Variants in CDK14 observed in about 807,000 individuals in gnomAD.
CDK14 encodes the protein cyclin-dependent kinase 14.
A neutral mutation model predicts 60.7 loss-of-function variants in CDK14; 34 were observed. That is an observed-to-expected ratio of 0.56 (90% CI 0.43 to 0.75). CDK14 has a LOEUF of 0.75. CDK14 is among the 30% of genes least tolerant of loss of function. CDK14 has a pLI of 0.00. For missense variants in CDK14, 482 were observed against 564.1 expected (o/e 0.85, Z 1.47); for synonymous variants, 197 against 203.7 (o/e 0.97, Z 0.28).
intron 4 of CDK14, among the ~76,000 whole-genome samples, chr7:90,774,627 T>C (rs1230372252): frequency 6.6e-6 from 1 of 152,256 alleles, no homozygotes; most frequent in Non-Finnish European, 1.5e-5. Flanking sequence ...CTCATAATCC[T>C]CTTGTCTTAA....
chr7:90,810,584 C>T (rs905107975), intron 5 of CDK14, among the ~76,000 whole-genome samples: 12 of 152,156 alleles, frequency 7.9e-5, no homozygotes, highest in Non-Finnish European at 1.6e-4. Context: ...CCCTCTCTCA[C>T]CACTCCTATT....
intron 3 of CDK14, among the ~76,000 whole-genome samples, chr7:90,745,709 C>G (rs972328542): frequency 1.2e-4 from 19 of 152,202 alleles, no homozygotes; most frequent in Non-Finnish European, 2.2e-4. Flanking sequence ...CCACCGTGCT[C>G]AGCCTATTTA....
intron 5 of CDK14, among the ~76,000 whole-genome samples, chr7:90,796,144 G>A (rs191863586): frequency 3.0e-4 from 46 of 152,220 alleles, no homozygotes; most frequent in Admixed American, 2.3e-3. Flanking sequence ...CCTCAGTTGC[G>A]GTTGTGTTGT....
chr7:90,745,077 C>T (rs1444874534), intron 3 of CDK14, among the ~76,000 whole-genome samples: 1 of 151,884 alleles, frequency 6.6e-6, no homozygotes, highest in Non-Finnish European at 1.5e-5. Flanking sequence ...TACTGATTAC[C>T]TTTTAAAGGT....
intron 8 of CDK14, among the ~76,000 whole-genome samples, chr7:90,941,204 G>A (rs759276475): frequency 3.3e-5 from 5 of 152,200 alleles, no homozygotes; most frequent in Non-Finnish European, 4.4e-5. Flanking sequence ...TATGGGAAGT[G>A]GCAGAGAAGG....
At chr7:90,700,343 T>C (rs4727239) in intron 2 of CDK14, among the ~76,000 whole-genome samples, 138,870 of 152,166 alleles carry the variant, frequency 0.91, 63,486 homozygotes, top group East Asian at 1. Flanking sequence ...CCGGCCACCT[T>C]GGCCTCCCAA....
At chr7:91,112,512 C>G in intron 12 of CDK14, 30 bp from the exon 13 acceptor site, 1 of 1,601,284 alleles carries the variant, frequency 6.2e-7, no homozygotes, top group Non-Finnish European at 8.5e-7. Context: ...CTTGTTTGGT[C>G]TGACCTCTCT....
chr7:90,675,779 G>GA (rs1332495948), intron 2 of CDK14, among the ~76,000 whole-genome samples: 1 of 152,204 alleles, frequency 6.6e-6, no homozygotes, highest in Non-Finnish European at 1.5e-5. Context: ...AAAACTGAGA[G>GA]AAAACCTTTC....
chr7:91,021,018 G>T (rs181338251), intron 10 of CDK14, among the ~76,000 whole-genome samples: 1 of 152,222 alleles, frequency 6.6e-6, no homozygotes, highest in Non-Finnish European at 1.5e-5. Flanking sequence ...GTAGTTTCTT[G>T]CCACATGATT....
At chr7:90,870,195 CAT>C (rs1439134229) in intron 6 of CDK14, among the ~76,000 whole-genome samples, 2 of 152,262 alleles carry the variant, frequency 1.3e-5, no homozygotes, top group Non-Finnish European at 1.5e-5. Context: ...TTTGCAGGAA[CAT>C]GTATGGAGCT....
chr7:90,625,223 C>G lies in CDK14; in HGVS notation c.123+20974C>G, dbSNP rs192706147. 9.5e-4 allele frequency among the ~76,000 whole-genome samples: 144 copies of G among 152,206 alleles called. 1 individual carries two copies. The highest frequency in any genetic ancestry group is 3.2e-3 in the African/African-American group (132 of 41,522). ...GGCGTGGTGACACATGCCCATTGTC[C>G]TAGCTACTCAGAAGGCTGAGGCAGT... is the stretch of plus-strand genomic sequence containing the variant. On this transcript the variant is annotated intron_variant, in intron 2 of 14. Coordinates refer to ENST00000380050, the MANE Select transcript of CDK14 (RefSeq NM_001287135.2).
At chr7:90,691,984 A>G (rs1251969602) in intron 2 of CDK14, among the ~76,000 whole-genome samples, 3 of 152,120 alleles carry the variant, frequency 2.0e-5, no homozygotes, top group African/African-American at 7.2e-5. Flanking sequence ...TTTATTTCAG[A>G]TGAGTGAGTT....
At chr7:90,895,477 T>C (rs1584098166) in intron 6 of CDK14, among the ~76,000 whole-genome samples, 1 of 5,258 alleles carries the variant, frequency 1.9e-4, no homozygotes, top group African/African-American at 5.3e-4. Flanking sequence ...TCTCCTCTCC[T>C]CACCTCTCCT....
chr7:91,038,494 G>A (rs1297914814), intron 10 of CDK14, among the ~76,000 whole-genome samples: 1 of 152,156 alleles, frequency 6.6e-6, no homozygotes, highest in East Asian at 1.9e-4. Context: ...TTACTAAGAA[G>A]CCTACAGTGC....
intron 6 of CDK14, among the ~76,000 whole-genome samples, chr7:90,865,588 A>G (rs1791151730): frequency 6.6e-6 from 1 of 152,144 alleles, no homozygotes; most frequent in Admixed American, 6.6e-5. Context: ...TGGAAATTAG[A>G]GCAGATATTA....
chr7:90,607,456 A>G (rs1799442498), intron 2 of CDK14, among the ~76,000 whole-genome samples: 1 of 152,206 alleles, frequency 6.6e-6, no homozygotes, highest in South Asian at 2.1e-4. Flanking sequence ...CATGTAGAGG[A>G]TGCCTCTAGA....
At chr7:90,630,044 AAACAAAAC>A (rs1380800844) in intron 2 of CDK14, among the ~76,000 whole-genome samples, 2 of 27,602 alleles carry the variant, frequency 7.2e-5, no homozygotes, top group Non-Finnish European at 6.0e-5. Flanking sequence ...GTCTCAAACA[AAACAAAAC>A]AAAACAAAAC....
intron 4 of CDK14, among the ~76,000 whole-genome samples, chr7:90,760,982 C>T (rs575789883): frequency 2.0e-5 from 3 of 152,296 alleles, no homozygotes; most frequent in Admixed American, 1.3e-4. Flanking sequence ...TCAGCCCTGA[C>T]GTCCTTTAGA....
intron 5 of CDK14, among the ~76,000 whole-genome samples, chr7:90,799,381 T>A (rs1279819126): frequency 6.6e-6 from 1 of 152,048 alleles, no homozygotes; most frequent in Non-Finnish European, 1.5e-5. Flanking sequence ...AACGCTAGCA[T>A]GTGGTAGAGC....
Sources: allele counts gnomAD v4.1 joint callset (sites outside exome capture counted in the v4.1 genomes callset), GRCh38; gene constraint gnomAD v4.1.1; transcripts MANE v1.5; gene names NCBI Gene and HGNC (gene_info 2026-07-23, HGNC 2026-07-21).